VWA3B: variants seen among roughly 807,000 people sequenced by gnomAD.
VWA3B encodes the protein von Willebrand factor A domain-containing protein 3B.
Under a neutral mutation model 158.3 loss-of-function variants are expected in VWA3B, and 138 were observed. The ratio of observed to expected loss-of-function variants is 0.87; its 90% confidence interval spans 0.76 to 1.00. VWA3B has a LOEUF of 1.00. VWA3B is among the 50% of genes least tolerant of loss of function. The probability of loss-of-function intolerance (pLI) is 0.00; values close to 1 mark genes in which losing one functional copy is unlikely to be tolerated. For synonymous variants in VWA3B, 596 were observed against 587.3 expected, an observed-to-expected ratio of 1.01 and a Z score of -0.21; for missense variants, 1,555 against 1,565.1, an observed-to-expected ratio of 0.99 and a Z score of 0.11.
intron 16 of VWA3B, among the ~76,000 whole-genome samples, chr2:98,233,011 C>G (rs1314245233): frequency 6.6e-6 from 1 of 152,214 alleles, no homozygotes; most frequent in African/African-American, 2.4e-5. Context: ...GGCCCTCTTG[C>G]TCCTGCTATC....
chr2:98,221,555 C>T (rs1338289705), intron 14 of VWA3B, among the ~76,000 whole-genome samples: 1 of 152,184 alleles, frequency 6.6e-6, no homozygotes, highest in African/African-American at 2.4e-5. Context: ...GCTAAACTTC[C>T]ATCCCTACGT....
intron 21 of VWA3B, among the ~76,000 whole-genome samples, chr2:98,259,985 C>G (rs62156741): frequency 0.039 from 5,878 of 151,626 alleles, 168 homozygotes; most frequent in Middle Eastern, 0.075. Flanking sequence ...TTCTTCTTTG[C>G]CCTATTGGTT....
chr2:98,229,872 A>G (rs1685207546), intron 15 of VWA3B, among the ~76,000 whole-genome samples, 178 bp from the exon 16 acceptor site: 1 of 152,062 alleles, frequency 6.6e-6, no homozygotes, highest in African/African-American at 2.4e-5. Flanking sequence ...GCCCCTCTCC[A>G]CTCTTCTGCA....
chr2:98,200,639 C>G (rs368381928), intron 12 of VWA3B, among the ~76,000 whole-genome samples: 1 of 151,422 alleles, frequency 6.6e-6, no homozygotes, highest in Non-Finnish European at 1.5e-5. Context: ...CAATCTATGG[C>G]TTTTCATTCC....
At chr2:98,305,481 C>T (rs540170238) in intron 26 of VWA3B, among the ~76,000 whole-genome samples, 59 of 152,254 alleles carry the variant, frequency 3.9e-4, no homozygotes, top group East Asian at 2.7e-3. Context: ...AGATTGGGGA[C>T]GGTCATTGTC....
chr2:98,253,255 T>C lies in VWA3B; in HGVS notation c.2792+2819T>C, dbSNP rs75516905. On this transcript the variant is annotated intron_variant, in intron 20 of 27. Coordinates refer to ENST00000477737, the MANE Select transcript of VWA3B (RefSeq NM_144992.5). ...CCCTATATAACATTTCTAAGGAGTT[T>C]TCCAACAAAGATAAGCGAGATGTAA... Among the ~76,000 whole-genome samples the C allele has an allele frequency of 2.9e-3, 443 of 152,270 alleles. 2 individuals are homozygous for C. The highest frequency in any genetic ancestry group is 9.7e-3 in the African/African-American group (404 of 41,530).
At chr2:98,218,583 G>C (rs567628155) in intron 14 of VWA3B, among the ~76,000 whole-genome samples, 1 of 152,310 alleles carries the variant, frequency 6.6e-6, no homozygotes, top group South Asian at 2.1e-4. Flanking sequence ...TTGACCACCT[G>C]ATAAAGCAAT....
At chr2:98,143,964 G>T (rs1221815248) in intron 7 of VWA3B, among the ~76,000 whole-genome samples, 1 of 151,810 alleles carries the variant, frequency 6.6e-6, no homozygotes, top group East Asian at 1.9e-4. Context: ...TGTTGTCCAG[G>T]CTGGTCTCAA....
intron 21 of VWA3B, among the ~76,000 whole-genome samples, chr2:98,268,732 G>T (rs1688018716): frequency 6.8e-6 from 1 of 147,916 alleles, no homozygotes; most frequent in Non-Finnish European, 1.5e-5. Context: ...TATATTTCAA[G>T]AATTGCTTAA....
intron 21 of VWA3B, among the ~76,000 whole-genome samples, chr2:98,266,420 C>A (rs201953357): frequency 6.8e-6 from 1 of 147,342 alleles, no homozygotes; most frequent in Non-Finnish European, 1.5e-5. Context: ...TGTTTTGGTA[C>A]GAGTACCATG....
chr2:98,144,556 T>C (rs1284565961), intron 7 of VWA3B, among the ~76,000 whole-genome samples: 1 of 135,248 alleles, frequency 7.4e-6, no homozygotes, highest in Non-Finnish European at 1.6e-5. Context: ...CCATAGGGTT[T>C]TCTTTCTTTC....
chr2:98,233,661 T>G (rs1685485811), intron 16 of VWA3B, among the ~76,000 whole-genome samples: 1 of 152,226 alleles, frequency 6.6e-6, no homozygotes, highest in Non-Finnish European at 1.5e-5. Context: ...ACACTCCTTC[T>G]CTATGCATGG....
intron 14 of VWA3B, among the ~76,000 whole-genome samples, chr2:98,227,071 AG>A (rs1684968555): frequency 6.6e-6 from 1 of 152,204 alleles, no homozygotes. Context: ...AAAGAAATAA[AG>A]GGTGTTCAAA....
chr2:98,099,930 G>T (rs6713479), intron 2 of VWA3B, among the ~76,000 whole-genome samples: 92,881 of 151,900 alleles, frequency 0.61, 31,044 homozygotes, highest in African/African-American at 0.89. Flanking sequence ...CAATCTCTCT[G>T]ACATTTTTTA....
At chr2:98,176,339 C>T (rs997946594) in intron 8 of VWA3B, among the ~76,000 whole-genome samples, 3 of 127,970 alleles carry the variant, frequency 2.3e-5, no homozygotes, top group Non-Finnish European at 4.9e-5. Flanking sequence ...CCCTCATCAT[C>T]ACCACTTAAC....
intron 19 of VWA3B, among the ~76,000 whole-genome samples, chr2:98,243,317 AT>A (rs1320586755): frequency 6.6e-6 from 1 of 152,064 alleles, no homozygotes; most frequent in South Asian, 2.1e-4. Context: ...ACAAGTTTAG[AT>A]TGAAAAACTG....
In VWA3B at chr2:98,181,148, G is replaced by A. The variant is rs777349278; in HGVS notation, c.1247G>A (p.Arg416His). Residue 416 changes from arginine to histidine, a missense_variant, in exon 9 of 28, where the codon CGC becomes CAC. Coordinates refer to ENST00000477737, the MANE Select transcript of VWA3B (RefSeq NM_144992.5). ...GATGTGCTTGCCGACTGCTCTTTCC[G>A]CCACGCTGATGGGGTTGTGGATATA... is the stretch of plus-strand genomic sequence containing the variant. The part of the protein sequence containing the change: ...LYDVLADCSF[R>H]HADGVVDIKA... 19 of 1,613,994 alleles carry A rather than the reference G, an allele frequency of 1.2e-5. No individual in the cohort carries two copies. The Middle Eastern group carries it at 4.9e-4, about 42-fold the overall frequency.
rs1201693763 is a variant in VWA3B at position 98,312,230 on chromosome 2, C to A, written c.3766C>A (p.Arg1256Ser). 1 of 1,614,046 alleles carries A rather than the reference C, an allele frequency of 6.2e-7. No individual in the cohort carries two copies. Among genetic ancestry groups the A allele is most frequent in the Non-Finnish European group, 8.5e-7 (1 of 1,180,040 alleles). ...CCACCTCCACTTCCCCGCGGCCGGG[C>A]GTCTAGGACTCAGCAGCCACGCCAT... ...TAHLHFPAAG[R>S]LGLSSHAIIA... is the part of the protein sequence containing the mutation. The change falls in exon 28 of 28, where the codon CGT becomes AGT. Residue 1256 changes from arginine to serine, a missense_variant. Transcript: ENST00000477737.
At chr2:98,179,974 ATCTC>A (rs772315388) in intron 8 of VWA3B, among the ~76,000 whole-genome samples, 8 of 55,978 alleles carry the variant, frequency 1.4e-4, no homozygotes, top group Non-Finnish European at 2.8e-4. Flanking sequence ...TCCTTCATCT[ATCTC>A]CTTCCTCCCT....
Sources: allele counts gnomAD v4.1 joint callset (sites outside exome capture counted in the v4.1 genomes callset), GRCh38; gene constraint gnomAD v4.1.1; transcripts MANE v1.5; gene names NCBI Gene and HGNC (gene_info 2026-07-23, HGNC 2026-07-21).